ABCA9: variants seen among roughly 807,000 people sequenced by gnomAD.
ABCA9 encodes the protein ATP-binding cassette sub-family A member 9.
Under a neutral mutation model 205.3 loss-of-function variants are expected in ABCA9, and 183 were observed. The ratio of observed to expected loss-of-function variants is 0.89; its 90% confidence interval spans 0.79 to 1.01. The LOEUF is 1.01. Ranked by LOEUF, ABCA9 falls within the 50% of genes least tolerant of loss-of-function variation. The pLI, the probability that ABCA9 is intolerant of heterozygous loss-of-function variation, is 0.00. For synonymous variants in ABCA9, 651 were observed against 683.3 expected, an observed-to-expected ratio of 0.95 and a Z score of 0.74; for missense variants, 1,805 against 1,912.4, an observed-to-expected ratio of 0.94 and a Z score of 1.05.
In ABCA9 at chr17:69,035,392, G is replaced by T; in HGVS notation, c.982C>A (p.Pro328Thr). ...AACACAACCAAGCCCGTAAGGAAAG[G>T]TTTCTTTATCAACACACTCATCAGG... ...AFLMSVLIKK[P>T]FLTGLVVFLL... Residue 328 changes from proline to threonine, a missense_variant, in exon 8 of 39, where the codon CCT becomes ACT. Coordinates refer to ENST00000340001, the MANE Select transcript of ABCA9 (RefSeq NM_080283.4). The T allele has an allele frequency of 2.5e-6, 4 of 1,603,576 alleles. 1 individual carries two copies. The highest frequency in any genetic ancestry group is 1.7e-4 in the Middle Eastern group (1 of 6,014).
upstream of ABCA9, among the ~76,000 whole-genome samples, chr17:69,063,166 C>T (rs1455013375): frequency 8.7e-6 from 1 of 114,682 alleles, no homozygotes; most frequent in Non-Finnish European, 2.3e-5. Flanking sequence ...TATGCTGTCT[C>T]ATTTGCATAT....
intron 37 of ABCA9, among the ~76,000 whole-genome samples, chr17:68,981,498 C>A (rs1055094288): frequency 1.3e-5 from 2 of 151,934 alleles, no homozygotes; most frequent in African/African-American, 4.8e-5. Flanking sequence ...GCCATTGGGG[C>A]ATAATGGTCA....
chr17:69,012,036 C>G lies in ABCA9; in HGVS notation c.3087G>C (p.Trp1029Cys). The change falls in exon 23 of 39, where the codon TGG becomes TGC. Residue 1029 changes from tryptophan to cysteine, a missense_variant. Transcript: ENST00000340001. ...EYGYRSNTFF[W>C]IPMAASFTPY... ...GAGTGAAAGAGGCTGCCATCGGTAT[C>G]CAGAAGAAGGTGTTACTTCGGTACC... The G allele has an allele frequency of 6.2e-7, 1 of 1,613,176 alleles. No individual in the cohort carries two copies. Among genetic ancestry groups the G allele is most frequent in the East Asian group, 2.2e-5 (1 of 44,838 alleles).
At position 69,043,504 on chromosome 17, in the gene ABCA9, C is replaced by G. The variant is rs61744800; in HGVS notation, c.785G>C (p.Arg262Pro). Reference protein sequence around the residue: ...ITSLMTMMGLRESAFWLSWGL... With the variant: ...ITSLMTMMGLPESAFWLSWGL... ...TATGATTTACCAGAATGCTGACTCT[C>G]GGAGTCCCATCATTGTCATCAATGA... Residue 262 changes from arginine (R) to proline (P), a missense_variant, in exon 6 of 39, where the codon CGA becomes CCA. Coordinates refer to ENST00000340001, the MANE Select transcript of ABCA9 (RefSeq NM_080283.4). 1.9e-6 allele frequency: 3 copies of G among 1,594,288 alleles called. No individual in the cohort carries two copies. In the East Asian group the frequency reaches 6.7e-5, roughly 36 times the overall value.
Position 69,027,335 on chromosome 17 carries a change from G to T in ABCA9, c.1906C>A (p.Pro636Thr). The T allele has an allele frequency of 6.2e-7, 1 of 1,612,648 alleles. No homozygotes were observed. The highest frequency in any genetic ancestry group is 1.1e-5 in the South Asian group (1 of 90,820). Residue 636 changes from proline to threonine, a missense_variant, in exon 14 of 39, where the codon CCT becomes ACT. Pro to Thr is a conservative substitution (Grantham distance 38). Transcript: ENST00000340001. The part of the protein sequence containing the change: ...LTFGIAILGD[P>T]QVLLLDEPTA... ...GTAATTTTTGTTTGACTTACTTGAG[G>T]ATCTCCTAAAATGGCAATCCCAAAA...
At chr17:69,034,726 T>G (rs570873887) in intron 8 of ABCA9, 1 of 152,204 alleles carries the variant, frequency 6.6e-6, no homozygotes, top group African/African-American at 2.4e-5. Flanking sequence ...CATGAAACAG[T>G]AAAATACTTC....
chr17:69,022,530 G>GTT (rs1443654921), intron 17 of ABCA9: 1 of 152,046 alleles, frequency 6.6e-6, no homozygotes, highest in African/African-American at 2.4e-5. Flanking sequence ...ATGTGTGTGT[G>GTT]TGTGTGTGCG....
chr17:69,018,645 A>T, intron 19 of ABCA9, 66 bp from the exon 20 acceptor site: 1 of 1,193,508 alleles, frequency 8.4e-7, no homozygotes, highest in Non-Finnish European at 1.2e-6. Context: ...TTAAGTTTGA[A>T]GGTATAATGA....
chr17:68,991,030 T>A, intron 28 of ABCA9, 73 bp from the exon 29 acceptor site: 2 of 1,527,136 alleles, frequency 1.3e-6, no homozygotes, highest in Non-Finnish European at 1.8e-6. Context: ...GAATTTTCTC[T>A]ATACTTCCAA....
At chr17:69,057,839 TTTCTTG>T (rs971246424) in intron 1 of ABCA9, among the ~76,000 whole-genome samples, 3 of 150,348 alleles carry the variant, frequency 2.0e-5, no homozygotes, top group African/African-American at 7.5e-5. Flanking sequence ...AAGCTTTTTT[TTTCTTG>T]TCATTATTCC....
At chr17:69,018,276 A>C in intron 20 of ABCA9, 137 bp downstream of exon 20, 1 of 742,488 alleles carries the variant, frequency 1.3e-6, no homozygotes, top group Non-Finnish European at 2.0e-6. Flanking sequence ...TTCATTTTTT[A>C]ATTTATTTTC....
chr17:69,061,334 T>C (rs1171434632), upstream of ABCA9, among the ~76,000 whole-genome samples: 3 of 151,582 alleles, frequency 2.0e-5, no homozygotes, highest in South Asian at 2.1e-4. Context: ...TAAATATATA[T>C]GTTATATATA....
intron 6 of ABCA9, chr17:69,042,630 G>A (rs2071580617): frequency 6.6e-6 from 1 of 152,140 alleles, no homozygotes; most frequent in African/African-American, 2.4e-5. Flanking sequence ...TGTGTATTTG[G>A]GTTCACCCAT....
At chr17:69,034,634 G>C (rs1567961254) in intron 8 of ABCA9, 1 of 152,160 alleles carries the variant, frequency 6.6e-6, no homozygotes. Context: ...ATTACAGACT[G>C]TGCTGCAATA....
chr17:69,027,298 C>A (rs2071023977), intron 14 of ABCA9, 32 bp downstream of exon 14: 3 of 1,604,978 alleles, frequency 1.9e-6, no homozygotes, highest in South Asian at 2.2e-5. Flanking sequence ...AGTCTTCAAT[C>A]TGATTTCACC....
chr17:68,983,059 CTAAA>C (rs1428463535), intron 36 of ABCA9, among the ~76,000 whole-genome samples: 1 of 152,104 alleles, frequency 6.6e-6, no homozygotes, highest in Non-Finnish European at 1.5e-5. Flanking sequence ...AACAATCTGT[CTAAA>C]TAGTCACATC....
chr17:69,015,976 TG>T (rs1567944576), intron 22 of ABCA9, among the ~76,000 whole-genome samples: 3 of 135,274 alleles, frequency 2.2e-5, no homozygotes, highest in African/African-American at 1.1e-4. Context: ...AAATTGTGTG[TG>T]TGTGTGTGTG....
rs770768139 is a variant in ABCA9, at chr17:68,984,140, CT to C, written c.4414del (p.Arg1472GlyfsTer5). On this transcript the variant is annotated frameshift_variant, in exon 35 of 39. Coordinates refer to ENST00000340001, the MANE Select transcript of ABCA9 (RefSeq NM_080283.4). LOFTEE classifies it high-confidence loss of function. Reference protein sequence around the residue: ...VIRATFRNTERGALLTTHYMA... With the variant: ...VIRATFRNTEXGALLTTHYMA... Reference sequence around the variant, plus strand: ...GTAGTGGGTGGTCAGGAGGGCGCCCCTCTCCGTGTTTCTAAAGGTGGCCCGA... The same window carrying C: ...GTAGTGGGTGGTCAGGAGGGCGCCCCCTCCGTGTTTCTAAAGGTGGCCCGA... 8 of 1,614,188 alleles carry C rather than the reference CT, an allele frequency of 5.0e-6. No individual in the cohort carries two copies. Among genetic ancestry groups the C allele is most frequent in the Non-Finnish European group, 6.8e-6 (8 of 1,180,032 alleles).
At chr17:69,012,146 T>TTAAC in intron 22 of ABCA9, 63 bp from the exon 23 acceptor site, 1 of 1,160,808 alleles carries the variant, frequency 8.6e-7, no homozygotes, top group East Asian at 2.5e-5. Flanking sequence ...CTGTACTTTC[T>TTAAC]TAACTAAATC....
Sources: gnomAD v4.1 joint callset for allele counts (sites outside exome capture counted in the v4.1 genomes callset) on GRCh38, gnomAD v4.1.1 for gene constraint, MANE v1.5 for transcripts, NCBI Gene and HGNC (gene_info 2026-07-23, HGNC 2026-07-21) for gene names.